The following SNX6 variants were observed in gnomAD, a reference collection of about 807,000 sequenced individuals.
SNX6 encodes the protein sorting nexin 6, also known as sorting nexin-6.
In SNX6, 34 loss-of-function variants were observed where a neutral mutation model predicts 63.0. The ratio of observed to expected loss-of-function variants is 0.54; its 90% confidence interval spans 0.41 to 0.72. SNX6 has a LOEUF of 0.72. SNX6 is among the 30% of genes least tolerant of loss of function. The pLI is 0.00. For synonymous variants in SNX6, 170 were observed against 164.2 expected (o/e 1.04, Z -0.27); for missense variants, 398 against 471.4 (o/e 0.84, Z 1.44).
At chr14:34,593,314 C>T (rs1882472351) in intron 7 of SNX6, among the ~76,000 whole-genome samples, 164 bp from the exon 8 acceptor site, 1 of 152,050 alleles carries the variant, frequency 6.6e-6, no homozygotes, top group African/African-American at 2.4e-5. Context: ...AATAGACATG[C>T]ATTTCTATCT....
chr14:34,621,609 G>A (rs1294895613), intron 2 of SNX6, among the ~76,000 whole-genome samples: 4 of 152,182 alleles, frequency 2.6e-5, no homozygotes, highest in Non-Finnish European at 5.9e-5. Context: ...CAGGTTAGAT[G>A]CCTCACAGGC....
chr14:34,597,509 A>C, intron 7 of SNX6, 41 bp downstream of exon 7: 1 of 1,126,686 alleles, frequency 8.9e-7, no homozygotes, highest in Non-Finnish European at 1.3e-6. Context: ...CTTTTAAAAG[A>C]AGTCTCAACT....
chr14:34,587,392 G>A (rs1449488324), intron 8 of SNX6, among the ~76,000 whole-genome samples: 1 of 151,762 alleles, frequency 6.6e-6, no homozygotes, highest in Non-Finnish European at 1.5e-5. Flanking sequence ...AATTAGCCGA[G>A]TGTGGTGGCA....
intron 2 of SNX6, among the ~76,000 whole-genome samples, chr14:34,626,849 C>T (rs1730495878): frequency 6.6e-6 from 1 of 152,054 alleles, no homozygotes; most frequent in Admixed American, 6.6e-5. Context: ...TCCAAGAAAG[C>T]AAATCCTGTT....
chr14:34,626,522 G>A (rs1331569343), intron 2 of SNX6, among the ~76,000 whole-genome samples: 6 of 151,626 alleles, frequency 4.0e-5, no homozygotes, highest in Non-Finnish European at 5.9e-5. Flanking sequence ...AAATTAGCCG[G>A]GCACGGTCGC....
intron 11 of SNX6, 129 bp from the exon 12 acceptor site, chr14:34,568,142 C>CA: frequency 1.6e-6 from 1 of 614,702 alleles, no homozygotes; most frequent in African/African-American, 1.9e-5. Flanking sequence ...CCAGTTACTC[C>CA]AATTTTTTTT....
At chr14:34,607,975 C>A in intron 4 of SNX6, 55 bp downstream of exon 4, 1 of 876,780 alleles carries the variant, frequency 1.1e-6, no homozygotes, top group Non-Finnish European at 1.8e-6. Flanking sequence ...CAAAACATAA[C>A]GAAGTACCTA....
Position 34,630,110 on chromosome 14 carries a change from C to G in SNX6, c.6+1G>C. ...GACTCGGCGCCGCGGAGAACACCCA[C>G]CATCATGGCTGCTCCGAGGCGAGGG... On this transcript the variant is annotated splice_donor_variant, in intron 1 of 13. Coordinates refer to ENST00000362031, the MANE Select transcript of SNX6 (RefSeq NM_152233.4). LOFTEE classifies it high-confidence loss of function. 1 of 1,431,550 alleles carries G rather than the reference C, an allele frequency of 7.0e-7. No individual in the cohort carries two copies. The highest frequency in any genetic ancestry group is 9.1e-7 in the Non-Finnish European group (1 of 1,103,518). The allele number at this position is 1,431,550 out of a possible 1,614,324, so 88.7% of individuals were successfully genotyped here. A position where few individuals can be genotyped will look rare whatever the true frequency, so the allele number is the denominator to read the frequency against.
At chr14:34,605,983 G>A (rs113446320) in intron 4 of SNX6, among the ~76,000 whole-genome samples, 56 of 151,944 alleles carry the variant, frequency 3.7e-4, no homozygotes, top group African/African-American at 1.0e-3. Context: ...AGACCAGCCT[G>A]GCCAACATGA....
Position 34,576,850 on chromosome 14 carries a change from G to A in SNX6, c.835-1008C>T, listed in dbSNP as rs546329080. Reference sequence around the variant, plus strand: ...TGTATTCCTGGCACTTTGGGAGGCCGAGGCGGGCGGATCATGAGGTCGGGA... The same window carrying A: ...TGTATTCCTGGCACTTTGGGAGGCCAAGGCGGGCGGATCATGAGGTCGGGA... On this transcript the variant is annotated intron_variant, in intron 10 of 13. Transcript: ENST00000362031. Among the ~76,000 whole-genome samples, 46 of 151,490 alleles carry A rather than the reference G, an allele frequency of 3.0e-4. 1 individual carries two copies. Among genetic ancestry groups the A allele is most frequent in the Admixed American group, 2.6e-3 (40 of 15,188 alleles).
intron 2 of SNX6, among the ~76,000 whole-genome samples, chr14:34,613,847 G>A (rs997428115): frequency 1.3e-5 from 2 of 151,140 alleles, no homozygotes; most frequent in Non-Finnish European, 2.9e-5. Context: ...GGTGGCTCAC[G>A]CCTGTAATAC....
At chr14:34,612,133 G>C (rs1883256116) in intron 2 of SNX6, among the ~76,000 whole-genome samples, 1 of 151,776 alleles carries the variant, frequency 6.6e-6, no homozygotes, top group African/African-American at 2.4e-5. Context: ...TAGAGACAGG[G>C]TCTCGCTATG....
At chr14:34,593,702 G>A (rs1458460508) in intron 7 of SNX6, among the ~76,000 whole-genome samples, 2 of 151,414 alleles carry the variant, frequency 1.3e-5, no homozygotes, top group Non-Finnish European at 2.9e-5. Context: ...CTCCTGAGTA[G>A]CTGAGACTAC....
In SNX6 at chr14:34,575,774, T is replaced by C. The variant is rs1399788138; in HGVS notation, c.903A>G (p.Arg301=). The C allele has an allele frequency of 6.3e-7, 1 of 1,586,906 alleles. No individual in the cohort carries two copies. Among genetic ancestry groups the C allele is most frequent in the East Asian group, 2.3e-5 (1 of 44,270 alleles). The change falls in exon 11 of 14, where the codon AGA becomes AGG. Residue 301 remains arginine (R), a synonymous_variant. Transcript: ENST00000362031. ...KLSDLLKYYL[R]ESQAAKDLLY... ...AAATTACCTTAGCAGCTTGAGATTC[T>C]CTTAAGTAATATTTTAAAAGATCAG...
chr14:34,610,179 A>G (rs1287868850), intron 2 of SNX6, among the ~76,000 whole-genome samples: 1 of 150,338 alleles, frequency 6.7e-6, no homozygotes, highest in African/African-American at 2.5e-5. Flanking sequence ...CCCTGTCTCT[A>G]CAGAAATTGA....
At chr14:34,565,114 G>C (rs1365898275) in intron 13 of SNX6, among the ~76,000 whole-genome samples, 1 of 132,290 alleles carries the variant, frequency 7.6e-6, no homozygotes, top group Non-Finnish European at 1.6e-5. Context: ...GTCTTGCTCT[G>C]TCACCCAGGC....
rs1290353462 is a variant in SNX6, at chr14:34,562,775, G to T, written c.*347C>A. On this transcript the variant is annotated 3_prime_UTR_variant, in exon 14 of 14. Transcript: ENST00000362031. ...TGCATTCTGAAAAGGTTAAATTTCA[G>T]AAATTATTTAAAGGTAAATAAGAGT... 9.2e-6 allele frequency: 2 copies of T among 217,382 alleles called. No homozygotes were observed. Among genetic ancestry groups the T allele is most frequent in the Non-Finnish European group, 1.8e-5 (2 of 111,428 alleles). The allele number at this position is 217,382 out of a possible 1,614,324, so 13.5% of individuals were successfully genotyped here. A position where few individuals can be genotyped will look rare whatever the true frequency, so the allele number is the denominator to read the frequency against.
intron 2 of SNX6, 129 bp downstream of exon 2, chr14:34,629,778 G>A (rs1337858296): frequency 2.1e-6 from 3 of 1,405,568 alleles, no homozygotes; most frequent in Non-Finnish European, 2.9e-6. Context: ...GTGCAGCGAG[G>A]AAACCGAAAG....
At position 34,612,313 on chromosome 14, in the gene SNX6, T is replaced by C. The variant is rs74636866; in HGVS notation, c.55-2571A>G. 1.1e-4 allele frequency among the ~76,000 whole-genome samples: 16 copies of C among 152,302 alleles called. No individual in the cohort carries two copies. The East Asian group carries it at 3.1e-3, about 29-fold the overall frequency. On this transcript the variant is annotated intron_variant, in intron 2 of 13. Coordinates refer to ENST00000362031, the MANE Select transcript of SNX6 (RefSeq NM_152233.4). ...CAGGAGGTATCTACATCCAAATTCC[T>C]AGGAGCTGTAAATGTTACCTTATAT...
Sources: gnomAD v4.1 joint callset for allele counts (sites outside exome capture counted in the v4.1 genomes callset) on GRCh38, gnomAD v4.1.1 for gene constraint, MANE v1.5 for transcripts, NCBI Gene and HGNC (gene_info 2026-07-23, HGNC 2026-07-21) for gene names.